TLE2: variants seen among roughly 807,000 people sequenced by gnomAD.
TLE2 encodes the protein transducin-like enhancer protein 2.
In TLE2, 74 loss-of-function variants were observed where a neutral mutation model predicts 97.2. The observed-to-expected ratio is 0.76, with a 90% CI of 0.63 to 0.92. The LOEUF (loss-of-function observed/expected upper bound fraction) is 0.92, where lower values mean the gene tolerates loss of function less well. TLE2 is among the 40% of genes least tolerant of loss of function. The probability of loss-of-function intolerance (pLI) is 0.00; values close to 1 mark genes in which losing one functional copy is unlikely to be tolerated. For missense variants in TLE2, 1,038 were observed against 1,008.7 expected (o/e 1.03, Z -0.39); for synonymous variants, 499 against 432.1 (o/e 1.15, Z -1.92).
chr19:3,004,614 CAAA>C (rs61444494), intron 17 of TLE2, among the ~76,000 whole-genome samples: 17 of 88,866 alleles, frequency 1.9e-4, no homozygotes, highest in Admixed American at 2.5e-4. Context: ...AACTCTGTCT[CAAA>C]AAAAAAAAAA....
At chr19:3,039,870 G>C (rs2090087482) in intron 1 of TLE2, among the ~76,000 whole-genome samples, 1 of 152,194 alleles carries the variant, frequency 6.6e-6, no homozygotes, top group Non-Finnish European at 1.5e-5. Context: ...TGATGTGCAA[G>C]CCTGGGTTCA....
intron 8 of TLE2, among the ~76,000 whole-genome samples, chr19:3,016,427 A>C (rs1226014279): frequency 2.1e-5 from 3 of 146,100 alleles, no homozygotes; most frequent in Non-Finnish European, 3.0e-5. Context: ...TACAAAAAAA[A>C]AAAAAAAAAA....
chr19:3,000,824 C>CTTT (rs4061734), intron 18 of TLE2, 101 bp from the exon 19 acceptor site: 2,347 of 503,574 alleles, frequency 4.7e-3, no homozygotes, highest in East Asian at 0.021. Flanking sequence ...TGGCCTCTCC[C>CTTT]TTTTTTTTTT....
At chr19:3,011,899 C>G (rs1284676579) in intron 11 of TLE2, among the ~76,000 whole-genome samples, 4 of 151,750 alleles carry the variant, frequency 2.6e-5, no homozygotes, top group Non-Finnish European at 4.4e-5. Flanking sequence ...AAGTTATAGG[C>G]TGTCAAGATT....
At chr19:3,027,537 A>G (rs1220706478) in intron 4 of TLE2, among the ~76,000 whole-genome samples, 4 of 152,182 alleles carry the variant, frequency 2.6e-5, no homozygotes, top group Non-Finnish European at 4.4e-5. Context: ...TGCCTCTGCT[A>G]TGTGCCCTCC....
At chr19:3,045,723 C>T (rs1050293174) in intron 1 of TLE2, 11 of 446,226 alleles carry the variant, frequency 2.5e-5, no homozygotes, top group East Asian at 7.1e-5. Context: ...CCCAGCTACT[C>T]GCCTGTAATC....
At chr19:3,022,088 G>A (rs989643498) in intron 5 of TLE2, among the ~76,000 whole-genome samples, 6 of 151,422 alleles carry the variant, frequency 4.0e-5, no homozygotes, top group African/African-American at 1.5e-4. Context: ...TCACTCTGTC[G>A]CACAGGCTGG....
At chr19:3,000,205 G>A (rs964803126) in intron 19 of TLE2, among the ~76,000 whole-genome samples, 1 of 150,776 alleles carries the variant, frequency 6.6e-6, no homozygotes, top group African/African-American at 2.4e-5. Context: ...TCGAGTAGCT[G>A]GGACTACAGG....
intron 1 of TLE2, among the ~76,000 whole-genome samples, chr19:3,037,855 C>T (rs938814085): frequency 1.2e-4 from 18 of 152,176 alleles, no homozygotes; most frequent in African/African-American, 4.1e-4. Context: ...GGTGCAGTGG[C>T]TCACACCTGT....
At chr19:3,015,393 G>C (rs1472579330) in intron 9 of TLE2, among the ~76,000 whole-genome samples, 1 of 152,256 alleles carries the variant, frequency 6.6e-6, no homozygotes, top group Admixed American at 6.5e-5. Context: ...GTGTTCTAGG[G>C]AAAGAAAACA....
chr19:3,040,215 C>T (rs2145231542), intron 1 of TLE2, among the ~76,000 whole-genome samples: 1 of 152,336 alleles, frequency 6.6e-6, no homozygotes, highest in East Asian at 1.9e-4. Context: ...TCCACCCTCC[C>T]TCCTTCCCTG....
intron 19 of TLE2, among the ~76,000 whole-genome samples, chr19:2,998,271 GTGTGT>G (rs2089267343): frequency 1.2e-5 from 1 of 82,736 alleles, no homozygotes; most frequent in Non-Finnish European, 2.4e-5. Context: ...GTGTGTGTGT[GTGTGT>G]AATTTTTTTT....
rs912399809 is a variant in TLE2 at position 3,019,082 on chromosome 19, G to C, written c.550+201C>G. 1.3e-5 allele frequency among the ~76,000 whole-genome samples: 2 copies of C among 152,048 alleles called. No individual in the cohort carries two copies. ...CCCAGCAAATTTTTAAATTTTTGTAGAGACGGGGTCTCGCTCTGTTGCCCA... is the reference window on the plus strand; with the variant it reads ...CCCAGCAAATTTTTAAATTTTTGTACAGACGGGGTCTCGCTCTGTTGCCCA... On this transcript the variant is annotated intron_variant, in intron 7 of 19. Coordinates refer to ENST00000262953, the MANE Select transcript of TLE2 (RefSeq NM_003260.5). The surrounding 1 kb of genome is among the most constrained non-coding windows in gnomAD (Gnocchi z 5.1).
chr19:3,023,643 C>T (rs1023306620), intron 5 of TLE2, among the ~76,000 whole-genome samples: 7 of 151,912 alleles, frequency 4.6e-5, no homozygotes, highest in African/African-American at 1.7e-4. Context: ...ACCTGTAAAC[C>T]CAACACTCGG....
chr19:3,023,755 G>C (rs1432637359), intron 5 of TLE2, among the ~76,000 whole-genome samples: 1 of 151,672 alleles, frequency 6.6e-6, no homozygotes, highest in Non-Finnish European at 1.5e-5. Flanking sequence ...AGCCGGGCGT[G>C]GTGGTGCACG....
chr19:3,021,520 G>T (rs1159947991), intron 5 of TLE2, among the ~76,000 whole-genome samples: 1 of 152,128 alleles, frequency 6.6e-6, no homozygotes, highest in Non-Finnish European at 1.5e-5. Flanking sequence ...TGAATAGAAT[G>T]ATTAATTTTA....
At position 3,006,431 on chromosome 19, in the gene TLE2, G is replaced by A; in HGVS notation, c.1489C>T (p.Leu497Phe). The change falls in exon 15 of 20, where the codon CTC becomes TTC. Residue 497 changes from leucine (L) to phenylalanine (F), a missense_variant. Transcript: ENST00000262953. ...QPGAKTPVAQLDCLNRDNYIR... is the reference protein window; with the variant it reads ...QPGAKTPVAQFDCLNRDNYIR... Reference sequence around the variant, plus strand: ...CACCCCGCCCTCACCAGGCAGTCGAGCTGGGCCACGGGCGTCTTGGCCCCA... The same window carrying A: ...CACCCCGCCCTCACCAGGCAGTCGAACTGGGCCACGGGCGTCTTGGCCCCA... 1 of 1,610,124 alleles carries A rather than the reference G, an allele frequency of 6.2e-7. No individual in the cohort carries two copies. Among genetic ancestry groups the A allele is most frequent in the Non-Finnish European group, 8.5e-7 (1 of 1,179,452 alleles).
At chr19:3,008,045 G>A (rs1443379419) in intron 14 of TLE2, among the ~76,000 whole-genome samples, 1 of 152,126 alleles carries the variant, frequency 6.6e-6, no homozygotes, top group Non-Finnish European at 1.5e-5. Flanking sequence ...TCTCACCACC[G>A]TACTCCAGCC....
Position 3,002,470 on chromosome 19 carries a change from A to G in TLE2, c.1930T>C (p.Trp644Arg). Residue 644 changes from tryptophan to arginine, a missense_variant, in exon 18 of 20, where the codon TGG becomes CGG. Trp to Arg is a moderately radical substitution (Grantham distance 101). Coordinates refer to ENST00000262953, the MANE Select transcript of TLE2 (RefSeq NM_003260.5). ...FSLGHCPNQD[W>R]LAVGMESSNV... Reference sequence around the variant, plus strand: ...CTACTCTCCATTCCGACCGCCAGCCAGTCCTGGTTAGGGCAGTGGCCCAGG... The same window carrying G: ...CTACTCTCCATTCCGACCGCCAGCCGGTCCTGGTTAGGGCAGTGGCCCAGG... 1 of 1,596,836 alleles carries G rather than the reference A, an allele frequency of 6.3e-7. No individual in the cohort carries two copies. Among genetic ancestry groups the G allele is most frequent in the Non-Finnish European group, 8.5e-7 (1 of 1,171,808 alleles).
Sources: gnomAD v4.1 joint callset for allele counts (sites outside exome capture counted in the v4.1 genomes callset) on GRCh38, gnomAD v4.1.1 for gene constraint, Gnocchi (gnomAD v3.1) non-coding constraint, MANE v1.5 for transcripts, NCBI Gene and HGNC (gene_info 2026-07-23, HGNC 2026-07-21) for gene names.